The following CDH19 variants were observed in gnomAD, a reference collection of about 807,000 sequenced individuals.
CDH19 encodes the protein cadherin-19.
Under a neutral mutation model 64.2 loss-of-function variants are expected in CDH19, and 67 were observed. The ratio of observed to expected loss-of-function variants is 1.04; its 90% CI spans 0.86 to 1.28. CDH19 has a LOEUF of 1.28. Among genes scored for constraint, CDH19 ranks in the 50% most tolerant of loss-of-function variants. The pLI is 0.00. For synonymous variants in CDH19, 346 were observed against 319.3 expected (o/e 1.08, Z -0.89); for missense variants, 1,030 against 929.0 (o/e 1.11, Z -1.41).
chr18:66,556,383 A>G (rs2144529521), intron 3 of CDH19, among the ~76,000 whole-genome samples: 1 of 151,728 alleles, frequency 6.6e-6, no homozygotes, highest in East Asian at 1.9e-4. Context: ...TGTTTATCTT[A>G]CTTATCTGAT....
At chr18:66,579,587 T>C (rs1300607390) in intron 1 of CDH19, among the ~76,000 whole-genome samples, 2 of 152,020 alleles carry the variant, frequency 1.3e-5, no homozygotes, top group African/African-American at 4.8e-5. Context: ...ACAAAATTGA[T>C]CTAGTTTATT....
At chr18:66,515,870 C>T (rs1259084018) in intron 9 of CDH19, among the ~76,000 whole-genome samples, 1 of 151,786 alleles carries the variant, frequency 6.6e-6, no homozygotes, top group Non-Finnish European at 1.5e-5. Context: ...ACTTACAGCA[C>T]TCCAAGCAAT....
intron 1 of CDH19, among the ~76,000 whole-genome samples, chr18:66,585,752 T>C (rs951391206): frequency 1.3e-5 from 2 of 152,148 alleles, no homozygotes; most frequent in Non-Finnish European, 2.9e-5. Context: ...TACTTTAGTA[T>C]ATATTTTCCC....
intron 7 of CDH19, among the ~76,000 whole-genome samples, chr18:66,543,567 T>C (rs1271966012): frequency 6.6e-6 from 1 of 152,100 alleles, no homozygotes; most frequent in Non-Finnish European, 1.5e-5. Flanking sequence ...TACAGAAATA[T>C]AGATACAGAT....
At chr18:66,601,105 G>T (rs185141075) in intron 1 of CDH19, among the ~76,000 whole-genome samples, 1 of 151,714 alleles carries the variant, frequency 6.6e-6, no homozygotes. Flanking sequence ...TTTTCTCTTT[G>T]CCTTTATTAT....
intron 11 of CDH19, among the ~76,000 whole-genome samples, chr18:66,506,037 G>C (rs551694271): frequency 1.9e-4 from 29 of 152,006 alleles, no homozygotes; most frequent in African/African-American, 7.0e-4. Context: ...TGAACCTGCT[G>C]GACATCATGT....
intron 5 of CDH19, among the ~76,000 whole-genome samples, chr18:66,546,823 C>A (rs529009381): frequency 1.9e-4 from 29 of 152,038 alleles, no homozygotes; most frequent in African/African-American, 7.0e-4. Context: ...GCCAGCGAGC[C>A]TGGAGTGTTC....
At position 66,545,189 on chromosome 18, in the gene CDH19, A is replaced by C. The variant is rs112810467; in HGVS notation, c.776-286T>G. ...GAGATAGGGTTTCACCGTTTTAGCT[A>C]GGATGGTCTCGATCTCCTGACCTCA... On this transcript the variant is annotated intron_variant, in intron 5 of 11. Transcript: ENST00000262150. Among the ~76,000 whole-genome samples the C allele has an allele frequency of 1.0e-3, 152 of 152,104 alleles. 1 individual carries two copies. The highest frequency in any genetic ancestry group is 3.6e-3 in the African/African-American group (148 of 41,526).
chr18:66,546,165 G>A (rs1046712383), intron 5 of CDH19, among the ~76,000 whole-genome samples: 2 of 152,044 alleles, frequency 1.3e-5, no homozygotes, highest in Admixed American at 6.6e-5. Flanking sequence ...GGGATTCCTA[G>A]TTCCTTTAGA....
intron 3 of CDH19, among the ~76,000 whole-genome samples, chr18:66,556,974 A>G (rs1338400518): frequency 2.0e-5 from 3 of 151,996 alleles, no homozygotes; most frequent in Non-Finnish European, 4.4e-5. Context: ...GGGAATGTAG[A>G]TTCATGTAGC....
intron 2 of CDH19, among the ~76,000 whole-genome samples, chr18:66,570,162 T>G (rs1988057037): frequency 6.6e-6 from 1 of 151,618 alleles, no homozygotes; most frequent in Non-Finnish European, 1.5e-5. Context: ...ATTTTTAAAT[T>G]ATATCATTTC....
chr18:66,558,756 T>C (rs1987613347), intron 3 of CDH19, among the ~76,000 whole-genome samples: 1 of 152,192 alleles, frequency 6.6e-6, no homozygotes, highest in East Asian at 1.9e-4. Context: ...TCAATTGTCT[T>C]ATAGTGCCCC....
intron 1 of CDH19, among the ~76,000 whole-genome samples, chr18:66,595,302 C>A (rs1988855282): frequency 6.6e-6 from 1 of 151,296 alleles, no homozygotes; most frequent in Non-Finnish European, 1.5e-5. Context: ...AAAACAAGAG[C>A]AAACCAACCC....
chr18:66,568,802 C>A, intron 2 of CDH19, 92 bp from the exon 3 acceptor site: 1 of 990,556 alleles, frequency 1.0e-6, no homozygotes, highest in African/African-American at 1.6e-5. Context: ...TTAATTATTC[C>A]CCAAGTTAAT....
At position 66,600,974 on chromosome 18, in the gene CDH19, T is replaced by A. The variant is rs76009330; in HGVS notation, c.-113+2980A>T. On this transcript the variant is annotated intron_variant, in intron 1 of 11. Transcript: ENST00000262150. ...AGCCCATTTATTTCTCATCAAATAC[T>A]ATGGGGGAAGAGTTACATTTTGCTT... is the stretch of plus-strand genomic sequence containing the variant. 3.3e-4 allele frequency among the ~76,000 whole-genome samples: 50 copies of A among 151,966 alleles called. No individual in the cohort carries two copies. In the East Asian group the frequency reaches 7.1e-3, roughly 22 times the overall value.
intron 8 of CDH19, among the ~76,000 whole-genome samples, chr18:66,530,179 T>G (rs78746867): frequency 0.018 from 2,691 of 152,126 alleles, 33 homozygotes; most frequent in Non-Finnish European, 0.026. Flanking sequence ...CAAGCAATAT[T>G]TATTGAGTGC....
chr18:66,527,677 C>T (rs924098655), intron 9 of CDH19, among the ~76,000 whole-genome samples: 6 of 152,034 alleles, frequency 3.9e-5, no homozygotes, highest in East Asian at 3.9e-4. Flanking sequence ...TCGCTTGAAC[C>T]CGAGACAGGG....
intron 1 of CDH19, among the ~76,000 whole-genome samples, chr18:66,578,448 C>T (rs953526626): frequency 2.0e-5 from 3 of 151,724 alleles, no homozygotes; most frequent in African/African-American, 7.3e-5. Context: ...CTTACTAGAA[C>T]GAATATAATT....
chr18:66,576,999 C>T (rs1301098252), intron 1 of CDH19, among the ~76,000 whole-genome samples: 3 of 151,320 alleles, frequency 2.0e-5, no homozygotes, highest in African/African-American at 4.8e-5. Context: ...GGACATAAAT[C>T]TAACAAAAAT....
Sources: gnomAD v4.1 joint callset for allele counts (sites outside exome capture counted in the v4.1 genomes callset) on GRCh38, gnomAD v4.1.1 for gene constraint, MANE v1.5 for transcripts, NCBI Gene and HGNC (gene_info 2026-07-23, HGNC 2026-07-21) for gene names.